Variants in LRRC74B observed in about 807,000 individuals in gnomAD.
LRRC74B encodes leucine-rich repeat-containing protein 74B.
Under a neutral mutation model 16.6 loss-of-function variants are expected in LRRC74B, and 30 were observed. The ratio of observed to expected loss-of-function variants is 1.80; its 90% CI spans 1.35 to 2.45. LRRC74B has a LOEUF of 2.45. LRRC74B is among the 30% of genes most tolerant of loss of function. The pLI is 0.00. For missense variants in LRRC74B, 326 were observed against 202.4 expected, an observed-to-expected ratio of 1.61 and a Z score of -3.71; for synonymous variants, 134 against 86.0, an observed-to-expected ratio of 1.56 and a Z score of -3.09.
chr22:21,052,603 CA>C (rs1213152864), intron 5 of LRRC74B, among the ~76,000 whole-genome samples: 1 of 152,116 alleles, frequency 6.6e-6, no homozygotes, highest in Non-Finnish European at 1.5e-5. Context: ...CCCCAGACAC[CA>C]TAGACACCCA....
At chr22:21,061,543 GC>G, downstream of LRRC74B, among the ~76,000 whole-genome samples, 1 of 91,642 alleles carries the variant, frequency 1.1e-5, no homozygotes, top group Non-Finnish European at 2.0e-5. Context: ...CGTGCCTGTA[GC>G]CCCAGCCATT....
At chr22:21,052,166 G>T (rs1445559435) in intron 4 of LRRC74B, 83 bp from the exon 5 acceptor site, 3 of 701,120 alleles carry the variant, frequency 4.3e-6, no homozygotes, top group African/African-American at 1.7e-5. Context: ...CCCAGCAGAG[G>T]CTCGGCACGC....
chr22:21,050,231 T>G (rs1341114640), intron 4 of LRRC74B, among the ~76,000 whole-genome samples: 2 of 151,972 alleles, frequency 1.3e-5, no homozygotes, highest in African/African-American at 4.8e-5. Flanking sequence ...GAGATGGGGT[T>G]TCACCGTGTT....
chr22:21,063,393 C>G (rs78775710), downstream of LRRC74B: 1 of 151,992 alleles, frequency 6.6e-6, no homozygotes, highest in Non-Finnish European at 1.5e-5. Flanking sequence ...TTATCAGGTC[C>G]GGAGACATGA....
downstream of LRRC74B, chr22:21,063,827 T>C (rs558342947): frequency 1.3e-5 from 2 of 152,102 alleles, no homozygotes; most frequent in South Asian, 2.1e-4. Context: ...ATACAAAAAT[T>C]AGCCAGGTAT....
chr22:21,054,285 C>T (rs1601818083), intron 6 of LRRC74B, among the ~76,000 whole-genome samples: 2 of 152,212 alleles, frequency 1.3e-5, no homozygotes, highest in African/African-American at 4.8e-5. Flanking sequence ...TGCAACAGAG[C>T]GAGTAAAACG....
intron 4 of LRRC74B, among the ~76,000 whole-genome samples, chr22:21,049,610 G>A (rs1929818664): frequency 6.6e-6 from 1 of 151,676 alleles, no homozygotes. Context: ...GGCAAGATCA[G>A]AGGGAGAGCA....
At chr22:21,047,482 G>T (rs1046610923) in exon 2 of LRRC74B, 4 of 717,340 alleles carry the variant, frequency 5.6e-6, no homozygotes, top group Non-Finnish European at 1.0e-5. Flanking sequence ...CTCCGGCACC[G>T]TGGCCTGGGG....
intron 2 of LRRC74B, 33 bp from the exon 3 acceptor site, chr22:21,047,851 T>A: frequency 4.2e-6 from 3 of 715,748 alleles, no homozygotes; most frequent in Non-Finnish European, 7.8e-6. Flanking sequence ...TGAGCCAGGA[T>A]AGTGGCCAGT....
At chr22:21,064,028 AGAAAT>A (rs1474613000), downstream of LRRC74B, 2 of 159,906 alleles carry the variant, frequency 1.3e-5, no homozygotes, top group Non-Finnish European at 2.7e-5. Flanking sequence ...GAAAAGAAAA[AGAAAT>A]GAATATGGGA....
At chr22:21,050,281 C>T (rs1249243559) in intron 4 of LRRC74B, among the ~76,000 whole-genome samples, 2 of 151,916 alleles carry the variant, frequency 1.3e-5, no homozygotes, top group Admixed American at 6.6e-5. Flanking sequence ...GTGATCCGCC[C>T]GCCTTGGCCT....
exon 3 of LRRC74B, chr22:21,047,893 G>C (rs1929609485): frequency 1.4e-6 from 1 of 717,262 alleles, no homozygotes; most frequent in African/African-American, 1.7e-5. Context: ...GGGCGCCCGG[G>C]CTCTGGCTTC....
intron 7 of LRRC74B, among the ~76,000 whole-genome samples, chr22:21,055,671 C>A (rs541725199): frequency 6.6e-6 from 1 of 152,244 alleles, no homozygotes; most frequent in Admixed American, 6.5e-5. Flanking sequence ...CCACTGTGCC[C>A]ACAGCAGGTA....
At chr22:21,056,931 A>G in intron 7 of LRRC74B, 174 bp from the exon 8 acceptor site, 1 of 589,672 alleles carries the variant, frequency 1.7e-6, no homozygotes, top group Non-Finnish European at 3.0e-6. Flanking sequence ...TCCCTGACCC[A>G]GCAGCCTCAC....
chr22:21,049,133 T>A, exon 4 of LRRC74B: 2 of 716,032 alleles, frequency 2.8e-6, no homozygotes, highest in South Asian at 3.0e-5. Flanking sequence ...GGACCTGAGC[T>A]ACAACCAGCT....
In LRRC74B at chr22:21,052,340, A is replaced by G. The variant is rs867084531; in HGVS notation, c.714A>G (p.Ala238=). 2.1e-5 allele frequency: 15 copies of G among 717,372 alleles called. No individual in the cohort carries two copies. The Middle Eastern group carries it at 2.1e-3, about 98-fold the overall frequency. The allele number at this position is 717,372 out of a possible 1,614,324, so 44.4% of individuals were successfully genotyped here. A position where few individuals can be genotyped will look rare whatever the true frequency, so the allele number is the denominator to read the frequency against. ...ACCTCCGGGGCCCAGGAGCTGTGGC[A>G]TTTGCCAGGGGACTGGAGGTATGAA... The change falls in exon 5 of 9, where the codon GCA becomes GCG. Residue 238 remains alanine (A), a synonymous_variant. Coordinates refer to ENST00000442047, the Ensembl canonical transcript of LRRC74B.
intron 7 of LRRC74B, 21 bp from the exon 8 acceptor site, chr22:21,057,084 C>T (rs890097769): frequency 2.8e-6 from 2 of 717,142 alleles, no homozygotes; most frequent in Non-Finnish European, 5.2e-6. Context: ...CTTCTCGCAG[C>T]TTTGTGTGCG....
At chr22:21,048,569 T>C (rs1335066151) in intron 3 of LRRC74B, 19 of 302,948 alleles carry the variant, frequency 6.3e-5, no homozygotes, top group Non-Finnish European at 1.1e-4. Context: ...GTGTGACCCA[T>C]GTACGTGCTC....
At chr22:21,055,511 G>T (rs116220045) in intron 7 of LRRC74B, among the ~76,000 whole-genome samples, 1,743 of 152,270 alleles carry the variant, frequency 0.011, 31 homozygotes, top group African/African-American at 0.039. Flanking sequence ...CAGGTGTTCT[G>T]TTGGCCACTG....
Sources: allele counts gnomAD v4.1 joint callset (sites outside exome capture counted in the v4.1 genomes callset), GRCh38; gene constraint gnomAD v4.1.1; transcripts MANE v1.5; gene names NCBI Gene and HGNC (gene_info 2026-07-23, HGNC 2026-07-21).